The following ATOSA variants were observed in gnomAD, a reference collection of about 807,000 sequenced individuals.
ATOSA encodes atos homolog A.
the ATOSA span, among the ~76,000 whole-genome samples, chr15:52,620,746 C>CA: frequency 0.04 from 6,038 of 152,172 alleles, 335 homozygotes; most frequent in African/African-American, 0.13. Context: ...CTCTGGAATT[C>CA]AAACCAGCCT....
chr15:52,642,055 T>A, the ATOSA span, among the ~76,000 whole-genome samples: 1 of 152,236 alleles, frequency 6.6e-6, no homozygotes, highest in Non-Finnish European at 1.5e-5. Flanking sequence ...ACAACTATTA[T>A]GATCAAGCAA....
chr15:52,644,175 G>A, the ATOSA span, among the ~76,000 whole-genome samples: 16 of 151,382 alleles, frequency 1.1e-4, no homozygotes, highest in South Asian at 4.2e-4. Context: ...CTCCAACCTC[G>A]GCCTCCCAAA....
chr15:52,662,769 C>CAAAAAA, the ATOSA span, among the ~76,000 whole-genome samples: 2 of 79,042 alleles, frequency 2.5e-5, no homozygotes, highest in African/African-American at 4.0e-5. Context: ...GACTCCGTCT[C>CAAAAAA]AAAAAAAAAA....
At chr15:52,683,964 C>CGA in the ATOSA span, among the ~76,000 whole-genome samples, 1 of 152,224 alleles carries the variant, frequency 6.6e-6, no homozygotes, top group African/African-American at 2.4e-5. Context: ...CACACCATCT[C>CGA]TGTCTTTTTT....
the ATOSA span, among the ~76,000 whole-genome samples, chr15:52,617,335 G>A: frequency 6.6e-6 from 1 of 152,092 alleles, no homozygotes; most frequent in Non-Finnish European, 1.5e-5. Flanking sequence ...CTGTCTGTGA[G>A]CCAGGAAGAG....
chr15:52,627,024 A>G, the ATOSA span, among the ~76,000 whole-genome samples: 2 of 152,154 alleles, frequency 1.3e-5, no homozygotes, highest in African/African-American at 4.8e-5. Flanking sequence ...TCCTGCCGGA[A>G]TGCTCTTTGT....
the ATOSA span, chr15:52,678,000 A>G: frequency 2.5e-6 from 4 of 1,613,842 alleles, no homozygotes; most frequent in African/African-American, 5.3e-5. Flanking sequence ...TAAACAAATC[A>G]TTTACCTCGG....
the ATOSA span, chr15:52,613,939 G>T: frequency 9.6e-7 from 1 of 1,036,490 alleles, no homozygotes; most frequent in Non-Finnish European, 1.5e-6. Context: ...AATAACTAAT[G>T]TCACATTACA....
chr15:52,678,979 C>G, the ATOSA span: 15 of 153,648 alleles, frequency 9.8e-5, no homozygotes, highest in African/African-American at 3.6e-4. Context: ...CTTCTCTCCA[C>G]CGCTCGCCCA....
At chr15:52,623,792 G>A in the ATOSA span, among the ~76,000 whole-genome samples, 1 of 152,124 alleles carries the variant, frequency 6.6e-6, no homozygotes, top group African/African-American at 2.4e-5. Flanking sequence ...GAGTATAAAC[G>A]ATAAATGCAA....
At chr15:52,632,388 T>A in the ATOSA span, among the ~76,000 whole-genome samples, 125 of 152,308 alleles carry the variant, frequency 8.2e-4, no homozygotes, top group African/African-American at 2.9e-3. Flanking sequence ...TTATAACTAA[T>A]TTTAAACCTG....
the ATOSA span, among the ~76,000 whole-genome samples, chr15:52,600,805 T>C: frequency 6.6e-6 from 1 of 151,546 alleles, no homozygotes; most frequent in African/African-American, 2.4e-5. Flanking sequence ...TTTTTTTTTT[T>C]CCGTCAAAGA....
the ATOSA span, among the ~76,000 whole-genome samples, chr15:52,597,328 A>G: frequency 3.3e-5 from 5 of 152,210 alleles, no homozygotes; most frequent in African/African-American, 9.6e-5. Context: ...TCATACACAA[A>G]TGTTTATAGC....
chr15:52,679,791 CCT>C, the ATOSA span, among the ~76,000 whole-genome samples: 2 of 80,214 alleles, frequency 2.5e-5, no homozygotes, highest in African/African-American at 8.9e-5. Context: ...TCCTCCTCCT[CCT>C]CCCCCCTCCC....
At chr15:52,600,061 TA>T in the ATOSA span, 1 of 716,634 alleles carries the variant, frequency 1.4e-6, no homozygotes, top group Non-Finnish European at 2.3e-6. Flanking sequence ...TAAAGACATA[TA>T]AAATGACACC....
At chr15:52,609,502 G>A in the ATOSA span, 1 of 1,613,862 alleles carries the variant, frequency 6.2e-7, no homozygotes, top group Non-Finnish European at 8.5e-7. Flanking sequence ...CAAAGGATTA[G>A]TCTCTCCAAC....
chr15:52,602,296 T>C, the ATOSA span, among the ~76,000 whole-genome samples: 1 of 152,202 alleles, frequency 6.6e-6, no homozygotes, highest in Non-Finnish European at 1.5e-5. Flanking sequence ...CATTCTTTCA[T>C]CTAAATTCCC....
At chr15:52,585,267 C>T in the ATOSA span, 1 of 191,028 alleles carries the variant, frequency 5.2e-6, no homozygotes, top group Non-Finnish European at 1.1e-5. Flanking sequence ...AAGCAAAATA[C>T]ATCCTTATTG....
the ATOSA span, chr15:52,651,868 A>C: frequency 6.5e-7 from 1 of 1,535,432 alleles, no homozygotes; most frequent in Non-Finnish European, 8.7e-7. Context: ...TTCACTACAC[A>C]CCTTCTCTGT....
Sources: allele counts gnomAD v4.1 joint callset (sites outside exome capture counted in the v4.1 genomes callset), GRCh38; gene constraint gnomAD v4.1.1; transcripts MANE v1.5; gene names NCBI Gene and HGNC (gene_info 2026-07-23, HGNC 2026-07-21).